EPHA5: variants seen among roughly 807,000 people sequenced by gnomAD.
EPHA5 encodes the protein EPH receptor A5, also known as ephrin type-A receptor 5.
A neutral mutation model predicts 105.0 loss-of-function variants in EPHA5; 60 were observed. That is an observed-to-expected ratio of 0.57 (90% CI 0.46 to 0.71). The LOEUF (loss-of-function observed/expected upper bound fraction) is 0.71, where lower values mean the gene tolerates loss of function less well. Ranked by LOEUF, EPHA5 falls within the 30% of genes least tolerant of loss-of-function variation. The pLI, the probability that EPHA5 is intolerant of heterozygous loss-of-function variation, is 0.00. For missense variants in EPHA5, 1,218 were observed against 1,274.7 expected (o/e 0.96, Z 0.68); for synonymous variants, 513 against 449.1 (o/e 1.14, Z -1.80).
intron 5 of EPHA5, among the ~76,000 whole-genome samples, chr4:65,465,774 A>G (rs1728660052): frequency 6.6e-6 from 1 of 152,230 alleles, no homozygotes; most frequent in African/African-American, 2.4e-5. Flanking sequence ...CTTTAGCTCC[A>G]TAAAAGAGCA....
At chr4:65,502,788 T>C (rs1055303205) in intron 3 of EPHA5, among the ~76,000 whole-genome samples, 51 of 151,760 alleles carry the variant, frequency 3.4e-4, no homozygotes, top group Non-Finnish European at 7.4e-5. Flanking sequence ...AAAAGATATA[T>C]GTGTTCATAT....
chr4:65,637,569 CATATATATAT>C (rs34456844), intron 2 of EPHA5, among the ~76,000 whole-genome samples: 8,147 of 112,438 alleles, frequency 0.072, 447 homozygotes, highest in South Asian at 0.13. Context: ...ATGAGTTTTG[CATATATATAT>C]ATATATATAT....
At chr4:65,476,117 A>T (rs1406351376) in intron 5 of EPHA5, among the ~76,000 whole-genome samples, 47 of 127,944 alleles carry the variant, frequency 3.7e-4, no homozygotes, top group African/African-American at 8.2e-4. Context: ...AGAGAGAGAG[A>T]GAGAGAGAGA....
chr4:65,500,308 C>T (rs1732352360), intron 3 of EPHA5, among the ~76,000 whole-genome samples: 1 of 151,196 alleles, frequency 6.6e-6, no homozygotes, highest in Admixed American at 6.6e-5. Flanking sequence ...TGACATGTTT[C>T]ATGAGACTAT....
chr4:65,597,152 A>C (rs1426723364), intron 3 of EPHA5, among the ~76,000 whole-genome samples: 1 of 152,174 alleles, frequency 6.6e-6, no homozygotes, highest in African/African-American at 2.4e-5. Context: ...GTATTTTAGC[A>C]TGTACTATAT....
intron 8 of EPHA5, among the ~76,000 whole-genome samples, chr4:65,379,210 A>T (rs1719314805): frequency 6.6e-6 from 1 of 151,692 alleles, no homozygotes; most frequent in Admixed American, 6.6e-5. Context: ...TTCTAAAAAT[A>T]ATAACATTTT....
At chr4:65,428,059 G>C (rs934464827) in intron 5 of EPHA5, among the ~76,000 whole-genome samples, 3 of 152,028 alleles carry the variant, frequency 2.0e-5, no homozygotes. Context: ...AGAGAATCAT[G>C]TACGTCTTCT....
chr4:65,639,671 T>C (rs1747465279), intron 2 of EPHA5, among the ~76,000 whole-genome samples: 1 of 152,176 alleles, frequency 6.6e-6, no homozygotes, highest in Non-Finnish European at 1.5e-5. Context: ...ACTTCAAATA[T>C]TTGTTCTGAC....
At chr4:65,454,668 C>G (rs1158333498) in intron 5 of EPHA5, among the ~76,000 whole-genome samples, 1 of 152,064 alleles carries the variant, frequency 6.6e-6, no homozygotes, top group Non-Finnish European at 1.5e-5. Context: ...GTGGATGAAA[C>G]CAGTATGTTT....
chr4:65,324,340 C>T (rs1178000831), intron 16 of EPHA5, 121 bp from the exon 17 acceptor site: 4 of 594,200 alleles, frequency 6.7e-6, no homozygotes, highest in Admixed American at 3.3e-5. Context: ...CTAATTTAGA[C>T]ATACAGAGTC....
intron 2 of EPHA5, among the ~76,000 whole-genome samples, chr4:65,619,605 C>A (rs941978614): frequency 8.6e-5 from 13 of 151,976 alleles, no homozygotes; most frequent in African/African-American, 2.7e-4. Context: ...GACTGGTGTA[C>A]TTTTTTTCTC....
At chr4:65,462,333 G>C (rs12498502) in intron 5 of EPHA5, among the ~76,000 whole-genome samples, 38,589 of 152,072 alleles carry the variant, frequency 0.25, 5,314 homozygotes, top group Middle Eastern at 0.35. Flanking sequence ...AGTATTGCTA[G>C]GCATTTTGCA....
At chr4:65,656,914 T>G (rs79599898) in intron 1 of EPHA5, among the ~76,000 whole-genome samples, 34,871 of 150,372 alleles carry the variant, frequency 0.23, 4,935 homozygotes, top group Middle Eastern at 0.38. Flanking sequence ...ATTTTGGATA[T>G]ATTTGATATT....
At chr4:65,414,180 G>A in intron 7 of EPHA5, 104 bp downstream of exon 7, 1 of 987,856 alleles carries the variant, frequency 1.0e-6, no homozygotes, top group Admixed American at 1.8e-5. Flanking sequence ...GAGAGAGAGA[G>A]GGAGAGTGAG....
chr4:65,456,871 T>C (rs909152365), intron 5 of EPHA5, among the ~76,000 whole-genome samples: 2 of 152,156 alleles, frequency 1.3e-5, no homozygotes, highest in Non-Finnish European at 2.9e-5. Context: ...ATTCATCCTT[T>C]CATTCCTTTC....
In EPHA5 at chr4:65,335,948, C is replaced by A. The variant is rs1297893678; in HGVS notation, c.2773G>T (p.Val925Phe). The change falls in exon 15 of 17, where the codon GTT (valine) becomes TTT (phenylalanine). Residue 925 changes from valine to phenylalanine, a missense_variant. By Grantham distance (50) the Val-to-Phe change is conservative. Around this residue, in one of 3 missense-constraint regions of EPHA5, gnomAD observed 971 missense variants for 1,013.5 expected, o/e 0.96. Transcript: ENST00000613740. ...GCCTTGTACCTGCAGGATGCATTAA[C>A]CAGCGTCTTCAGACTACTTGGGTTA... ...IRNPSSLKTL[V>F]NASCRVSNLL... The A allele has an allele frequency of 6.2e-7, 1 of 1,610,820 alleles. No homozygotes were observed. The highest frequency in any genetic ancestry group is 1.3e-5 in the African/African-American group (1 of 74,694).
chr4:65,531,571 G>T (rs1271772518), intron 3 of EPHA5, among the ~76,000 whole-genome samples: 1 of 150,760 alleles, frequency 6.6e-6, no homozygotes, highest in Non-Finnish European at 1.5e-5. Flanking sequence ...GATATACTGA[G>T]ATGTCTTTGC....
intron 5 of EPHA5, among the ~76,000 whole-genome samples, chr4:65,420,912 T>C (rs1723889829): frequency 6.6e-6 from 1 of 152,072 alleles, no homozygotes; most frequent in African/African-American, 2.4e-5. Flanking sequence ...CTATATGACA[T>C]ATCCCATTAT....
chr4:65,517,212 A>G (rs1422580926), intron 3 of EPHA5, among the ~76,000 whole-genome samples: 2 of 151,912 alleles, frequency 1.3e-5, no homozygotes, highest in East Asian at 1.9e-4. Flanking sequence ...ACTTTGAAAC[A>G]TAATACTTTA....
Sources: gnomAD v4.1 joint callset for allele counts (sites outside exome capture counted in the v4.1 genomes callset) on GRCh38, gnomAD v4.1.1 for gene constraint, gnomAD v4.1.1 regional missense constraint, MANE v1.5 for transcripts, NCBI Gene and HGNC (gene_info 2026-07-23, HGNC 2026-07-21) for gene names.